Variants in UBR7 observed in about 807,000 individuals in gnomAD.
The protein encoded by UBR7 is putative E3 ubiquitin-protein ligase UBR7.
Under a neutral mutation model 57.0 loss-of-function variants are expected in UBR7, and 22 were observed. The observed-to-expected ratio is 0.39, with a 90% CI of 0.28 to 0.55. The LOEUF (loss-of-function observed/expected upper bound fraction) is 0.55. Among genes scored for constraint, UBR7 ranks in the 20% least tolerant of loss-of-function variants. The pLI, the probability that UBR7 is intolerant of heterozygous loss-of-function variation, is 0.69. For synonymous variants in UBR7, 167 were observed against 179.8 expected (o/e 0.93, Z 0.57); for missense variants, 395 against 513.2 (o/e 0.77, Z 2.23).
At chr14:93,217,465 A>G (rs1475910139) in intron 6 of UBR7, among the ~76,000 whole-genome samples, 2 of 152,110 alleles carry the variant, frequency 1.3e-5, no homozygotes, top group African/African-American at 2.4e-5. Context: ...GTCTCAGAGT[A>G]TATCTGCCAC....
intron 10 of UBR7, chr14:93,223,863 TG>T: frequency 2.7e-6 from 2 of 746,098 alleles, no homozygotes; most frequent in East Asian, 2.5e-5. Flanking sequence ...CGGTACATGT[TG>T]GGGGCGCCGC....
In UBR7 at chr14:93,228,558, C is replaced by T. The variant is rs538595298; in HGVS notation, c.*1523C>T. ...AACCATGTTCTTCGGCACTCAGGCT[C>T]CTAATTGCAGATCCTCACGAAGGGT... On this transcript the variant is annotated 3_prime_UTR_variant, in exon 11 of 11. Transcript: ENST00000013070. The T allele has an allele frequency of 2.2e-6, 1 of 454,064 alleles. No individual in the cohort carries two copies. Among genetic ancestry groups the T allele is most frequent in the East Asian group, 7.0e-5 (1 of 14,388 alleles). 28.1% of individuals were successfully genotyped at this position (454,064 alleles called of 1,614,324 possible).
chr14:93,209,726 C>A, intron 1 of UBR7, 98 bp from the exon 2 acceptor site: 2 of 1,447,262 alleles, frequency 1.4e-6, no homozygotes, highest in Non-Finnish European at 1.9e-6. Flanking sequence ...ATCTTGACCA[C>A]AGATAATCTG....
In UBR7 at chr14:93,212,099, A is replaced by G; in HGVS notation, c.413A>G (p.Lys138Arg). The G allele has an allele frequency of 6.2e-7, 1 of 1,612,910 alleles. No homozygotes were observed. Among genetic ancestry groups the G allele is most frequent in the Non-Finnish European group, 8.5e-7 (1 of 1,179,292 alleles). The change falls in exon 4 of 11, where the codon AAG becomes AGG. Residue 138 changes from lysine to arginine, a missense_variant. By Grantham distance (26) the Lys-to-Arg change is conservative (BLOSUM62 2). Coordinates refer to ENST00000013070, the MANE Select transcript of UBR7 (RefSeq NM_175748.4). ...TTTTTTGGATTGTACTGCATTTGCAAGAGACCTTATCCTGATCCTGAAGAC... is the reference window on the plus strand; with the variant it reads ...TTTTTTGGATTGTACTGCATTTGCAGGAGACCTTATCCTGATCCTGAAGAC... The part of the protein sequence containing the change: ...DNFFGLYCIC[K>R]RPYPDPEDEI...
chr14:93,214,876 T>G, intron 4 of UBR7, 53 bp from the exon 5 acceptor site: 1 of 1,503,930 alleles, frequency 6.6e-7, no homozygotes, highest in Non-Finnish European at 9.2e-7. Context: ...GCCAGGTTAT[T>G]TCCATGTTCC....
chr14:93,226,776 G>A (rs1404260127), intron 10 of UBR7, among the ~76,000 whole-genome samples, 167 bp from the exon 11 acceptor site: 3 of 136,728 alleles, frequency 2.2e-5, no homozygotes, highest in African/African-American at 8.5e-5. Context: ...CTGGGTGACA[G>A]AGCGACACTC....
At position 93,227,876 on chromosome 14, in the gene UBR7, TG is replaced by T; in HGVS notation, c.*843del. ...GGGTCTCACCCCTGTGAAATCTTGG[TG>T]GTTTACGAAGTCCTCTGGATTTCTT... On this transcript the variant is annotated 3_prime_UTR_variant, in exon 11 of 11. Coordinates refer to ENST00000013070, the MANE Select transcript of UBR7 (RefSeq NM_175748.4). 1.4e-6 allele frequency: 1 copy of T among 700,858 alleles called. No homozygotes were observed. The highest frequency in any genetic ancestry group is 2.6e-6 in the Non-Finnish European group (1 of 384,820). 43.4% of individuals were successfully genotyped at this position (700,858 alleles called of 1,614,324 possible).
In UBR7 at chr14:93,209,931, C is replaced by T. The variant is rs1894444410; in HGVS notation, c.258C>T (p.His86=). 6.2e-7 allele frequency: 1 copy of T among 1,614,014 alleles called. No homozygotes were observed. The highest frequency in any genetic ancestry group is 8.5e-7 in the Non-Finnish European group (1 of 1,179,974). The part of the protein sequence containing the change: ...LACSYECHGS[H]KLFELYTKRN... ...GCAGTTATGAATGTCATGGAAGTCA[C>T]AAACTATTTGAGCTATACACAAAAA... Residue 86 remains histidine, a synonymous_variant, in exon 2 of 11, where the codon CAC becomes CAT. Coordinates refer to ENST00000013070, the MANE Select transcript of UBR7 (RefSeq NM_175748.4).
chr14:93,227,045 T>C lies in UBR7; in HGVS notation c.*10T>C. 6.3e-7 allele frequency: 1 copy of C among 1,591,282 alleles called. No individual in the cohort carries two copies. Among genetic ancestry groups the C allele is most frequent in the Non-Finnish European group, 8.6e-7 (1 of 1,160,496 alleles). On this transcript the variant is annotated 3_prime_UTR_variant, in exon 11 of 11. Transcript: ENST00000013070. ...GTATTACTGCAGCTAGAGTGGAGTATGAAGCTTTCTCATTCAAGCCAATGA... is the reference window on the plus strand; with the variant it reads ...GTATTACTGCAGCTAGAGTGGAGTACGAAGCTTTCTCATTCAAGCCAATGA...
intron 6 of UBR7, among the ~76,000 whole-genome samples, chr14:93,216,588 G>T (rs1206566385): frequency 1.3e-5 from 2 of 150,682 alleles, no homozygotes; most frequent in Non-Finnish European, 2.9e-5. Context: ...CTACAGTTTA[G>T]ATTTGCCTTA....
intron 10 of UBR7, chr14:93,223,614 G>A: frequency 7.8e-7 from 1 of 1,277,128 alleles, no homozygotes. Flanking sequence ...GAACGTGTTG[G>A]GCCTCTTGGT....
chr14:93,223,915 C>G (rs1414910112), intron 10 of UBR7: 2 of 725,698 alleles, frequency 2.8e-6, no homozygotes, highest in Non-Finnish European at 5.0e-6. Context: ...AGTTCTTGAC[C>G]CGCGGTGGGG....
chr14:93,226,795 A>C (rs1894862436), intron 10 of UBR7, 148 bp from the exon 11 acceptor site: 1 of 125,856 alleles, frequency 7.9e-6, no homozygotes, highest in Non-Finnish European at 1.4e-5. Context: ...TCCATCTCAA[A>C]AAAAAAAAAA....
intron 9 of UBR7, 117 bp from the exon 10 acceptor site, chr14:93,222,196 G>T (rs1894723035): frequency 1.3e-6 from 1 of 744,682 alleles, no homozygotes; most frequent in Admixed American, 2.2e-5. Context: ...TTTCACTTAA[G>T]AAAATTTTTA....
Position 93,227,042 on chromosome 14 carries a change from G to A in UBR7, c.*7G>A, listed in dbSNP as rs760560142. ...GCAGTATTACTGCAGCTAGAGTGGAGTATGAAGCTTTCTCATTCAAGCCAA... is the reference window on the plus strand; with the variant it reads ...GCAGTATTACTGCAGCTAGAGTGGAATATGAAGCTTTCTCATTCAAGCCAA... On this transcript the variant is annotated 3_prime_UTR_variant, in exon 11 of 11. Coordinates refer to ENST00000013070, the MANE Select transcript of UBR7 (RefSeq NM_175748.4). 2.5e-5 allele frequency: 40 copies of A among 1,597,074 alleles called. 1 individual carries two copies. In the Admixed American group the frequency reaches 6.3e-4, roughly 25 times the overall value.
At chr14:93,221,702 C>T (rs1894710579) in intron 9 of UBR7, among the ~76,000 whole-genome samples, 2 of 152,002 alleles carry the variant, frequency 1.3e-5, no homozygotes, top group Non-Finnish European at 2.9e-5. Context: ...TTTGCTTGGG[C>T]TGGGCGCCAT....
At chr14:93,210,581 C>T (rs1275001629) in intron 2 of UBR7, 67 bp from the exon 3 acceptor site, 2 of 1,400,860 alleles carry the variant, frequency 1.4e-6, no homozygotes, top group Non-Finnish European at 2.0e-6. Context: ...TGCTTGAATG[C>T]TTGAAGAAAT....
At chr14:93,207,695 C>T (rs938736630) in intron 1 of UBR7, among the ~76,000 whole-genome samples, 13 of 152,214 alleles carry the variant, frequency 8.5e-5, no homozygotes, top group Non-Finnish European at 1.5e-4. Context: ...CAGGAAGGGC[C>T]CTGGAGCAGC....
intron 10 of UBR7, among the ~76,000 whole-genome samples, chr14:93,224,403 G>A (rs1894793256): frequency 8.0e-6 from 1 of 124,266 alleles, no homozygotes; most frequent in African/African-American, 3.3e-5. Flanking sequence ...TTTTGAGATG[G>A]AGTCTTGCTC....
Sources: allele counts gnomAD v4.1 joint callset (sites outside exome capture counted in the v4.1 genomes callset), GRCh38; gene constraint gnomAD v4.1.1; transcripts MANE v1.5; gene names NCBI Gene and HGNC (gene_info 2026-07-23, HGNC 2026-07-21).